RHPN2: variants seen among roughly 807,000 people sequenced by gnomAD.
The protein encoded by RHPN2 is rhophilin-2.
In RHPN2, 40 loss-of-function variants were observed where a neutral mutation model predicts 79.0. That is an observed-to-expected ratio of 0.51 (90% CI 0.39 to 0.66). RHPN2 has a LOEUF of 0.66. Among genes scored for constraint, RHPN2 ranks in the 30% least tolerant of loss-of-function variants. The probability of loss-of-function intolerance (pLI) is 0.00; values close to 1 mark genes in which losing one functional copy is unlikely to be tolerated. For missense variants in RHPN2, 686 were observed against 883.5 expected, an observed-to-expected ratio of 0.78 and a Z score of 2.83; for synonymous variants, 285 against 363.5, an observed-to-expected ratio of 0.78 and a Z score of 2.46.
chr19:33,056,880 C>T (rs138016269), intron 1 of RHPN2, among the ~76,000 whole-genome samples: 5 of 149,164 alleles, frequency 3.4e-5, no homozygotes, highest in African/African-American at 5.0e-5. Flanking sequence ...GAAGCCGAGG[C>T]GGGCAGATCA....
At chr19:33,026,786 C>T in intron 2 of RHPN2, 154 bp from the exon 3 acceptor site, 7 of 788,580 alleles carry the variant, frequency 8.9e-6, no homozygotes, top group South Asian at 1.4e-5. Context: ...GGACACAGGG[C>T]ACCTACCCAG....
intron 14 of RHPN2, among the ~76,000 whole-genome samples, chr19:32,981,408 T>TA (rs1385873834): frequency 2.7e-4 from 3 of 11,256 alleles, no homozygotes; most frequent in African/African-American, 9.9e-4. Flanking sequence ...TGTCTCAAAA[T>TA]AAAAAAAAAG....
At chr19:33,064,755 T>TGGGGCCC in intron 1 of RHPN2, 29 bp downstream of exon 1, 2 of 1,427,944 alleles carry the variant, frequency 1.4e-6, no homozygotes, top group Non-Finnish European at 1.9e-6. Context: ...AGCCCGCAGG[T>TGGGGCCC]CCCCGCCCGC....
intron 10 of RHPN2, 69 bp downstream of exon 10, chr19:32,999,517 T>C: frequency 1.3e-6 from 2 of 1,576,038 alleles, no homozygotes; most frequent in Non-Finnish European, 1.7e-6. Context: ...GACCTCTCTG[T>C]GGCTGGCTGT....
At chr19:32,988,214 A>ACAAC (rs1555709775) in intron 14 of RHPN2, among the ~76,000 whole-genome samples, 115 of 141,584 alleles carry the variant, frequency 8.1e-4, no homozygotes, top group Non-Finnish European at 1.3e-3. Context: ...AACAACAACA[A>ACAAC]AAAAAAAAAC....
At chr19:33,063,231 A>T (rs974053523) in intron 1 of RHPN2, among the ~76,000 whole-genome samples, 4 of 151,994 alleles carry the variant, frequency 2.6e-5, no homozygotes, top group Non-Finnish European at 4.4e-5. Context: ...CTGTAATTCC[A>T]TGATGACATC....
At chr19:33,021,787 T>C (rs766950418) in intron 3 of RHPN2, 141 bp from the exon 4 acceptor site, 1 of 694,558 alleles carries the variant, frequency 1.4e-6, no homozygotes, top group Non-Finnish European at 2.7e-6. Context: ...ACAGGCTCAT[T>C]TTCCATAAGG....
chr19:32,985,246 C>T (rs1024645566), intron 14 of RHPN2, among the ~76,000 whole-genome samples: 11 of 151,872 alleles, frequency 7.2e-5, no homozygotes, highest in African/African-American at 2.4e-4. Context: ...TCCTAGAACT[C>T]GAAGCTGTAG....
chr19:33,048,725 C>CAAAAAAAAA (rs58396784), intron 1 of RHPN2, among the ~76,000 whole-genome samples: 2,034 of 62,590 alleles, frequency 0.032, 203 homozygotes, highest in Non-Finnish European at 0.038. Context: ...GACTCAGTCT[C>CAAAAAAAAA]AAAAAAAAAA....
intron 1 of RHPN2, among the ~76,000 whole-genome samples, chr19:33,054,548 G>A (rs1193436152): frequency 4.6e-5 from 7 of 152,110 alleles, no homozygotes; most frequent in Middle Eastern, 3.2e-3. Flanking sequence ...AGGGAACTCC[G>A]AGGGTCTGAA....
At chr19:33,021,172 T>C (rs1971921032) in intron 4 of RHPN2, among the ~76,000 whole-genome samples, 1 of 152,142 alleles carries the variant, frequency 6.6e-6, no homozygotes, top group African/African-American at 2.4e-5. Flanking sequence ...CAACCTGCCT[T>C]GTCCAAGACC....
chr19:33,035,228 A>G (rs1349041387), intron 2 of RHPN2, among the ~76,000 whole-genome samples: 1 of 152,118 alleles, frequency 6.6e-6, no homozygotes, highest in African/African-American at 2.4e-5. Flanking sequence ...CTGCCTCCCA[A>G]AGTGCTGGGA....
chr19:33,026,259 G>A (rs1321282969), intron 3 of RHPN2, among the ~76,000 whole-genome samples: 2 of 151,950 alleles, frequency 1.3e-5, no homozygotes, highest in East Asian at 1.9e-4. Flanking sequence ...TTACGGGAGT[G>A]AGCCACCGTG....
rs560747915 is a variant in RHPN2 at position 33,051,525 on chromosome 19, C to T, written c.70-7161G>A. On this transcript the variant is annotated intron_variant, in intron 1 of 14. Transcript: ENST00000254260. ...TCTGAAAGCTTTGAGTGCAGCAATGCGGATTCACCTTGCTTGTAACTACTG... is the reference window on the plus strand; with the variant it reads ...TCTGAAAGCTTTGAGTGCAGCAATGTGGATTCACCTTGCTTGTAACTACTG... 2.1e-4 allele frequency: 33 copies of T among 159,298 alleles called. No individual in the cohort carries two copies. The South Asian group carries it at 5.6e-3, about 27-fold the overall frequency. 9.9% of individuals were successfully genotyped at this position (159,298 alleles called of 1,614,324 possible).
Position 32,978,950 on chromosome 19 carries a change from CCCG to C in RHPN2, c.*1043_*1045del, listed in dbSNP as rs1971552267. ...ATCATTTGAGGTCAGGATTTCGAAA[CCCG>C]CCTGGCCAACATGGTGAAACCTCAC... On this transcript the variant is annotated 3_prime_UTR_variant, in exon 15 of 15. Coordinates refer to ENST00000254260, the MANE Select transcript of RHPN2 (RefSeq NM_033103.5). 6.6e-6 allele frequency: 1 copy of C among 152,072 alleles called. No individual in the cohort carries two copies. The highest frequency in any genetic ancestry group is 1.5e-5 in the Non-Finnish European group (1 of 68,032). 9.4% of individuals were successfully genotyped at this position (152,072 alleles called of 1,614,324 possible). A position where few individuals can be genotyped will look rare whatever the true frequency, so the allele number is the denominator to read the frequency against.
intron 2 of RHPN2, among the ~76,000 whole-genome samples, chr19:33,041,246 A>C (rs1972097938): frequency 6.6e-6 from 1 of 152,136 alleles, no homozygotes; most frequent in African/African-American, 2.4e-5. Flanking sequence ...TGCGGTAGGA[A>C]ACCTGGGAAC....
chr19:33,003,902 C>T (rs1971770608), intron 7 of RHPN2, among the ~76,000 whole-genome samples: 1 of 152,152 alleles, frequency 6.6e-6, no homozygotes, highest in African/African-American at 2.4e-5. Flanking sequence ...TAGCTGGGCA[C>T]AGGGGCTGCT....
At chr19:33,017,378 A>T (rs1418224140) in intron 4 of RHPN2, among the ~76,000 whole-genome samples, 2 of 152,160 alleles carry the variant, frequency 1.3e-5, no homozygotes, top group African/African-American at 4.8e-5. Flanking sequence ...CCATCTCAAA[A>T]AAAAAAATGC....
rs531646700 is a variant in RHPN2, at chr19:32,979,936, C to A, written c.*60G>T. 6.3e-7 allele frequency: 1 copy of A among 1,590,650 alleles called. No homozygotes were observed. Among genetic ancestry groups the A allele is most frequent in the Non-Finnish European group, 8.6e-7 (1 of 1,159,230 alleles). ...TAGATATTTTCCATTATGGCACAAA[C>A]GTTTAAGGCCGAGTCAGCACCGGAA... On this transcript the variant is annotated 3_prime_UTR_variant, in exon 15 of 15. Transcript: ENST00000254260.
Sources: allele counts gnomAD v4.1 joint callset (sites outside exome capture counted in the v4.1 genomes callset), GRCh38; gene constraint gnomAD v4.1.1; transcripts MANE v1.5; gene names NCBI Gene and HGNC (gene_info 2026-07-23, HGNC 2026-07-21).